LRP1B: variants seen among roughly 807,000 people sequenced by gnomAD.
LRP1B encodes LDL receptor related protein 1B, also known as low-density lipoprotein receptor-related protein 1B.
LRP1B carries 217 observed loss-of-function variants against 556.6 expected under a neutral mutation model. The ratio of observed to expected loss-of-function variants is 0.39; its 90% CI spans 0.35 to 0.44. LRP1B has a LOEUF of 0.44. Ranked by LOEUF, LRP1B falls within the 20% of genes least tolerant of loss-of-function variation. The pLI, the probability that LRP1B is intolerant of heterozygous loss-of-function variation, is 1.00. For synonymous variants in LRP1B, 2,047 were observed against 1,865.8 expected (o/e 1.10, Z -2.50); for missense variants, 5,053 against 5,620.8 (o/e 0.90, Z 3.23).
chr2:140,514,878 A>G, intron 50 of LRP1B, 106 bp from the exon 51 acceptor site: 1 of 1,082,716 alleles, frequency 9.2e-7, no homozygotes, highest in Non-Finnish European at 1.2e-6. Context: ...CAACAATCCT[A>G]TAATAAAAGA....
intron 79 of LRP1B, among the ~76,000 whole-genome samples, chr2:140,329,656 G>A (rs761849059): frequency 3.1e-4 from 47 of 151,778 alleles, no homozygotes; most frequent in Non-Finnish European, 6.0e-4. Flanking sequence ...TTGCTACAAA[G>A]ACAATAAAAT....
intron 12 of LRP1B, among the ~76,000 whole-genome samples, chr2:141,017,633 G>T (rs1314067745): frequency 6.9e-6 from 1 of 144,628 alleles, no homozygotes; most frequent in Non-Finnish European, 1.5e-5. Context: ...ATGCCAATCT[G>T]AGAGAGGTTA....
intron 47 of LRP1B, among the ~76,000 whole-genome samples, chr2:140,528,078 A>G (rs191407992): frequency 1.3e-5 from 2 of 151,898 alleles, no homozygotes; most frequent in Non-Finnish European, 2.9e-5. Flanking sequence ...TCTGCCTCCA[A>G]TCTCCCATAG....
chr2:140,552,747 C>A (rs1013011591), intron 43 of LRP1B, among the ~76,000 whole-genome samples: 1 of 152,088 alleles, frequency 6.6e-6, no homozygotes, highest in African/African-American at 2.4e-5. Context: ...TAGCTTGATC[C>A]TAGAAATGGG....
intron 7 of LRP1B, among the ~76,000 whole-genome samples, chr2:141,138,175 A>G (rs191226130): frequency 2.3e-4 from 35 of 152,136 alleles, no homozygotes; most frequent in African/African-American, 8.2e-4. Context: ...TACAAATTAA[A>G]TCATCTCAAT....
chr2:140,427,036 A>G (rs1407109233), intron 66 of LRP1B, among the ~76,000 whole-genome samples: 1 of 151,990 alleles, frequency 6.6e-6, no homozygotes, highest in Non-Finnish European at 1.5e-5. Context: ...CCACACTTCA[A>G]TCTCTCCCTT....
chr2:141,284,173 A>G (rs1234473443), intron 3 of LRP1B, among the ~76,000 whole-genome samples: 1 of 152,218 alleles, frequency 6.6e-6, no homozygotes, highest in Non-Finnish European at 1.5e-5. Context: ...GCAGTGCAAT[A>G]AAAAAGAAGG....
chr2:141,029,519 G>A (rs577125651), intron 11 of LRP1B, among the ~76,000 whole-genome samples: 182 of 152,224 alleles, frequency 1.2e-3, no homozygotes, highest in African/African-American at 3.1e-3. Context: ...GTAACTGCTA[G>A]CTCCACAGGG....
At chr2:141,180,984 C>T (rs1680964915) in intron 7 of LRP1B, among the ~76,000 whole-genome samples, 1 of 151,898 alleles carries the variant, frequency 6.6e-6, no homozygotes, top group Non-Finnish European at 1.5e-5. Context: ...TGTTGTTAGA[C>T]CATAACTGAT....
At position 140,323,999 on chromosome 2, in the gene LRP1B, A is replaced by C; in HGVS notation, c.12408T>G (p.Gly4136=). ...GGCCAAATTTTTGAACTCGAAATAC[A>C]CCATTTTTAGGTCCTGCTCCATATA... The part of the protein sequence containing the change: ...DYIYGAGPKN[G]VFRVQKFGHG... Residue 4136 remains glycine (G), a synonymous_variant, in exon 81 of 91, where the codon GGT becomes GGG. Transcript: ENST00000389484. 6.2e-7 allele frequency: 1 copy of C among 1,609,544 alleles called. No individual in the cohort carries two copies. The highest frequency in any genetic ancestry group is 8.5e-7 in the Non-Finnish European group (1 of 1,176,368).
intron 15 of LRP1B, 121 bp from the exon 16 acceptor site, chr2:140,994,256 T>C (rs1269599054): frequency 2.7e-6 from 2 of 754,420 alleles, no homozygotes; most frequent in African/African-American, 3.6e-5. Context: ...ATGAGGTATT[T>C]GTCCTTCTCT....
chr2:141,943,821 G>A (rs903029190), intron 1 of LRP1B, among the ~76,000 whole-genome samples: 2 of 152,064 alleles, frequency 1.3e-5, no homozygotes, highest in Non-Finnish European at 2.9e-5. Context: ...AGGAAAATCC[G>A]GGTTCTTGTC....
chr2:141,055,536 A>G (rs1017204671), intron 9 of LRP1B, among the ~76,000 whole-genome samples: 5 of 151,958 alleles, frequency 3.3e-5, no homozygotes, highest in Non-Finnish European at 7.4e-5. Flanking sequence ...GGTGAGCAAA[A>G]TAAAAGTAAC....
intron 60 of LRP1B, among the ~76,000 whole-genome samples, chr2:140,463,740 G>A (rs1687418409): frequency 1.3e-5 from 2 of 152,196 alleles, no homozygotes; most frequent in Admixed American, 1.3e-4. Flanking sequence ...ATAGGTCACA[G>A]TGCAGGAAGA....
chr2:141,169,985 A>C (rs1680430236), intron 7 of LRP1B, among the ~76,000 whole-genome samples: 1 of 152,032 alleles, frequency 6.6e-6, no homozygotes, highest in South Asian at 2.1e-4. Flanking sequence ...CAGCAATGTA[A>C]TCTCATGGTG....
intron 2 of LRP1B, among the ~76,000 whole-genome samples, chr2:141,615,859 C>T (rs974107362): frequency 2.0e-4 from 31 of 152,086 alleles, no homozygotes; most frequent in South Asian, 8.3e-4. Flanking sequence ...TTGACTTTAA[C>T]GGCATAAATC....
chr2:141,046,213 T>C (rs1238686718), intron 11 of LRP1B, among the ~76,000 whole-genome samples: 1 of 152,138 alleles, frequency 6.6e-6, no homozygotes, highest in African/African-American at 2.4e-5. Context: ...TTTATACCCT[T>C]GTACTTCAAA....
intron 3 of LRP1B, among the ~76,000 whole-genome samples, chr2:141,362,400 G>A (rs2105568510): frequency 6.6e-6 from 1 of 152,316 alleles, no homozygotes; most frequent in Non-Finnish European, 1.5e-5. Context: ...TCTGCAAGTA[G>A]CCAGCAGATG....
intron 11 of LRP1B, among the ~76,000 whole-genome samples, chr2:141,039,819 G>C (rs1698643449): frequency 6.6e-6 from 1 of 151,924 alleles, no homozygotes; most frequent in African/African-American, 2.4e-5. Flanking sequence ...TCGTATGCAT[G>C]TCTACTTTTC....
Sources: allele counts gnomAD v4.1 joint callset (sites outside exome capture counted in the v4.1 genomes callset), GRCh38; gene constraint gnomAD v4.1.1; transcripts MANE v1.5; gene names NCBI Gene and HGNC (gene_info 2026-07-23, HGNC 2026-07-21).